PTPRO: variants seen among roughly 807,000 people sequenced by gnomAD.
The protein encoded by PTPRO is receptor-type tyrosine-protein phosphatase O.
PTPRO carries 62 observed loss-of-function variants against 145.2 expected under a neutral mutation model. The ratio of observed to expected loss-of-function variants is 0.43; its 90% CI spans 0.35 to 0.53. The LOEUF is 0.53. PTPRO is among the 20% of genes least tolerant of loss of function. PTPRO has a pLI of 0.01. For synonymous variants in PTPRO, 565 were observed against 514.7 expected, an observed-to-expected ratio of 1.10 and a Z score of -1.32; for missense variants, 1,345 against 1,482.7, an observed-to-expected ratio of 0.91 and a Z score of 1.53.
chr12:15,437,882 C>T (rs1443389868), intron 1 of PTPRO, among the ~76,000 whole-genome samples: 1 of 152,182 alleles, frequency 6.6e-6, no homozygotes, highest in Non-Finnish European at 1.5e-5. Context: ...CCCAACTGGT[C>T]CCACCCTTTA....
intron 1 of PTPRO, among the ~76,000 whole-genome samples, chr12:15,345,074 T>TA (rs1308893969): frequency 6.6e-6 from 1 of 152,224 alleles, no homozygotes; most frequent in Non-Finnish European, 1.5e-5. Context: ...TTTTATAACT[T>TA]ACACTTTACA....
At chr12:15,399,870 G>T (rs576532116) in intron 1 of PTPRO, among the ~76,000 whole-genome samples, 1 of 151,346 alleles carries the variant, frequency 6.6e-6, no homozygotes, top group Non-Finnish European at 1.5e-5. Flanking sequence ...GGCCAACATG[G>T]TGAAACCTCA....
At chr12:15,553,597 G>A (rs893542888) in intron 15 of PTPRO, among the ~76,000 whole-genome samples, 1 of 152,210 alleles carries the variant, frequency 6.6e-6, no homozygotes, top group African/African-American at 2.4e-5. Flanking sequence ...GTCAAGTTAT[G>A]CAGGGCTTCG....
intron 2 of PTPRO, among the ~76,000 whole-genome samples, chr12:15,490,701 G>C (rs776111915): frequency 6.6e-6 from 1 of 151,972 alleles, no homozygotes; most frequent in African/African-American, 2.4e-5. Context: ...TAAAGTAAGC[G>C]CCTTAACAAA....
At chr12:15,424,166 T>C (rs1457649746) in intron 1 of PTPRO, among the ~76,000 whole-genome samples, 1 of 152,220 alleles carries the variant, frequency 6.6e-6, no homozygotes, top group Non-Finnish European at 1.5e-5. Context: ...ATCTTTTCAG[T>C]GAAATCTATT....
chr12:15,367,788 C>T (rs76453766), intron 1 of PTPRO, among the ~76,000 whole-genome samples: 155 of 152,262 alleles, frequency 1.0e-3, no homozygotes, highest in African/African-American at 3.5e-3. Flanking sequence ...ACAATGCCCA[C>T]CCCAAAGGAA....
intron 18 of PTPRO, among the ~76,000 whole-genome samples, chr12:15,567,234 A>G (rs1457164152): frequency 1.3e-5 from 2 of 151,656 alleles, no homozygotes; most frequent in African/African-American, 2.4e-5. Context: ...TCTAGAAGAC[A>G]TTTCTTGAAA....
At chr12:15,472,080 A>G (rs984687508) in intron 1 of PTPRO, among the ~76,000 whole-genome samples, 4 of 152,236 alleles carry the variant, frequency 2.6e-5, no homozygotes, top group African/African-American at 9.6e-5. Context: ...TATTTAAAAG[A>G]ACTGAGCAGC....
chr12:15,338,866 C>G (rs560268040), intron 1 of PTPRO, among the ~76,000 whole-genome samples: 1 of 152,182 alleles, frequency 6.6e-6, no homozygotes, highest in Non-Finnish European at 1.5e-5. Context: ...GATATTTCCA[C>G]CAGTCAATCA....
At chr12:15,574,413 T>A (rs983080293) in intron 19 of PTPRO, among the ~76,000 whole-genome samples, 2 of 152,216 alleles carry the variant, frequency 1.3e-5, no homozygotes, top group Non-Finnish European at 2.9e-5. Flanking sequence ...TATTGCTCAT[T>A]CTGCTATTAA....
Position 15,596,249 on chromosome 12 carries a change from A to G in PTPRO, c.*176A>G, listed in dbSNP as rs925828726. The stretch of plus-strand genomic sequence containing the variant: ...GAAGACTTAGCCTTAAAGAGCCTAC[A>G]GTGTCCTTTTGGACTCTTTCACTTC... On this transcript the variant is annotated 3_prime_UTR_variant, in exon 27 of 27. Coordinates refer to ENST00000281171, the MANE Select transcript of PTPRO (RefSeq NM_030667.3). 6.6e-6 allele frequency: 1 copy of G among 152,632 alleles called. No individual in the cohort carries two copies. Among genetic ancestry groups the G allele is most frequent in the African/African-American group, 2.4e-5 (1 of 41,440 alleles). 9.5% of individuals were successfully genotyped at this position (152,632 alleles called of 1,614,324 possible).
intron 6 of PTPRO, among the ~76,000 whole-genome samples, chr12:15,507,020 C>T (rs978714619): frequency 2.0e-5 from 3 of 152,104 alleles, no homozygotes; most frequent in Non-Finnish European, 2.9e-5. Context: ...ATCAGACTTC[C>T]TGTGTGTGAA....
rs187569026 is a variant in PTPRO, at chr12:15,330,097, G to C, written c.75+7296G>C. 2.4e-4 allele frequency among the ~76,000 whole-genome samples: 36 copies of C among 152,272 alleles called. 1 individual carries two copies. Among genetic ancestry groups the C allele is most frequent in the African/African-American group, 6.7e-4 (28 of 41,558 alleles). On this transcript the variant is annotated intron_variant, in intron 1 of 26. Transcript: ENST00000281171. ...ATTCTCTAGGGGAAGAGGCCTTATC[G>C]AAGGGTTTAATCAAGGCATTAGTGA... is the stretch of plus-strand genomic sequence containing the variant.
chr12:15,537,605 A>G (rs1011838415), intron 12 of PTPRO, among the ~76,000 whole-genome samples: 7 of 151,784 alleles, frequency 4.6e-5, no homozygotes, highest in Non-Finnish European at 1.0e-4. Flanking sequence ...TGGTGACGGG[A>G]AAAAAAAATC....
At chr12:15,495,131 G>A (rs1169647065) in intron 2 of PTPRO, among the ~76,000 whole-genome samples, 2 of 151,914 alleles carry the variant, frequency 1.3e-5, no homozygotes, top group Non-Finnish European at 2.9e-5. Context: ...AGGAAGACTA[G>A]GGATGAGACA....
intron 1 of PTPRO, among the ~76,000 whole-genome samples, chr12:15,453,411 T>A (rs1941097230): frequency 6.6e-6 from 1 of 152,172 alleles, no homozygotes; most frequent in South Asian, 2.1e-4. Flanking sequence ...GTCTTAACAG[T>A]GAGGCCTTAG....
intron 1 of PTPRO, among the ~76,000 whole-genome samples, chr12:15,468,550 G>A (rs1486086458): frequency 1.3e-5 from 2 of 152,154 alleles, no homozygotes. Context: ...ATAGGTCTCT[G>A]CCTAACTAGC....
chr12:15,464,068 A>G (rs1315438839), intron 1 of PTPRO, among the ~76,000 whole-genome samples: 1 of 152,222 alleles, frequency 6.6e-6, no homozygotes, highest in Admixed American at 6.5e-5. Context: ...GAAATTTTAT[A>G]TACAGAACTA....
rs574266818 is a variant in PTPRO, at chr12:15,355,143, G to C, written c.75+32342G>C. Among the ~76,000 whole-genome samples the C allele has an allele frequency of 5.9e-5, 9 of 152,248 alleles. No homozygotes were observed. The South Asian group carries it at 1.7e-3, about 28-fold the overall frequency. On this transcript the variant is annotated intron_variant, in intron 1 of 26. Coordinates refer to ENST00000281171, the MANE Select transcript of PTPRO (RefSeq NM_030667.3). Reference sequence around the variant, plus strand: ...TAAGACCACTACGGCTCACATTGGTGGCATTTCCCTATGTGTCTTTGCAAT... The same window carrying C: ...TAAGACCACTACGGCTCACATTGGTCGCATTTCCCTATGTGTCTTTGCAAT...
Sources: allele counts gnomAD v4.1 joint callset (sites outside exome capture counted in the v4.1 genomes callset), GRCh38; gene constraint gnomAD v4.1.1; transcripts MANE v1.5; gene names NCBI Gene and HGNC (gene_info 2026-07-23, HGNC 2026-07-21).